Variants in KLF9 observed in about 807,000 individuals in gnomAD.
KLF9 encodes KLF transcription factor 9.
In KLF9, 2 loss-of-function variants were observed where a neutral mutation model predicts 17.3. That is an observed-to-expected ratio of 0.12 (90% CI 0.05 to 0.36). KLF9 has a LOEUF of 0.36. Ranked by LOEUF, KLF9 falls within the 10% of genes least tolerant of loss-of-function variation. The pLI, the probability that KLF9 is intolerant of heterozygous loss-of-function variation, is 1.00. For missense variants in KLF9, 226 were observed against 333.2 expected, an observed-to-expected ratio of 0.68 and a Z score of 2.51; for synonymous variants, 138 against 139.2, an observed-to-expected ratio of 0.99 and a Z score of 0.06.
intron 1 of KLF9, among the ~76,000 whole-genome samples, chr9:70,397,959 T>C (rs1469567425): frequency 1.3e-5 from 2 of 152,218 alleles, no homozygotes. Context: ...AGGCCATTCC[T>C]GGGTACAGAG....
intron 1 of KLF9, among the ~76,000 whole-genome samples, chr9:70,410,907 A>G (rs1322269407): frequency 3.3e-5 from 5 of 152,156 alleles, no homozygotes; most frequent in Non-Finnish European, 5.9e-5. Context: ...ATGCACTAAG[A>G]TTAGAGATCC....
Position 70,392,849 on chromosome 9 carries a change from T to C in KLF9, c.506-4844A>G, listed in dbSNP as rs2037160990. ...CAATTAGAGAATCTTTAAACCTGTCTTTAGTATTAATGAGAGAGTTACCAT... is the reference window on the plus strand; with the variant it reads ...CAATTAGAGAATCTTTAAACCTGTCCTTAGTATTAATGAGAGAGTTACCAT... On this transcript the variant is annotated intron_variant, in intron 1 of 1. Transcript: ENST00000377126. 5.3e-5 allele frequency among the ~76,000 whole-genome samples: 8 copies of C among 152,156 alleles called. 2 individuals carry two copies. In the South Asian group the frequency reaches 1.7e-3, roughly 32 times the overall value.
At chr9:70,388,386 C>G (rs1193499141) in intron 1 of KLF9, among the ~76,000 whole-genome samples, 2 of 152,098 alleles carry the variant, frequency 1.3e-5, no homozygotes, top group African/African-American at 4.8e-5. Context: ...AACCCGTCCC[C>G]TGCCTCTACC....
intron 1 of KLF9, among the ~76,000 whole-genome samples, chr9:70,389,428 T>C (rs953058757): frequency 6.6e-6 from 1 of 152,138 alleles, no homozygotes; most frequent in Non-Finnish European, 1.5e-5. Flanking sequence ...GTCACATAAC[T>C]GGAAAGCAGA....
At chr9:70,398,740 C>T (rs973794985) in intron 1 of KLF9, among the ~76,000 whole-genome samples, 8 of 152,124 alleles carry the variant, frequency 5.3e-5, no homozygotes, top group Non-Finnish European at 1.0e-4. Flanking sequence ...GATCTTCCTG[C>T]CTTGGCCTCC....
chr9:70,392,313 A>G (rs1266303944), intron 1 of KLF9, among the ~76,000 whole-genome samples: 1 of 152,226 alleles, frequency 6.6e-6, no homozygotes, highest in Non-Finnish European at 1.5e-5. Context: ...ATCATGGATC[A>G]TAATGGATTC....
chr9:70,414,284 T>G lies in KLF9; in HGVS notation c.-921A>C, dbSNP rs1175934821. 2 of 151,852 alleles carry G rather than the reference T, an allele frequency of 1.3e-5. No homozygotes were observed. Among genetic ancestry groups the G allele is most frequent in the East Asian group, 3.9e-4 (2 of 5,194 alleles). The allele number at this position is 151,852 out of a possible 1,614,324, so 9.4% of individuals were successfully genotyped here. On this transcript the variant is annotated 5_prime_UTR_variant, in exon 1 of 2. The change abolishes an upstream ATG in the 5' untranslated region. Transcript: ENST00000377126. ...CCAGCTTGCGGAGCTTTGGGACACA[T>G]CTTTCCTAGTCAGTTGCGCTCGTTC...
chr9:70,409,448 A>G lies in KLF9; in HGVS notation c.505+3411T>C, dbSNP rs142797333. 9.7e-4 allele frequency among the ~76,000 whole-genome samples: 147 copies of G among 151,906 alleles called. 1 individual carries two copies. Among genetic ancestry groups the G allele is most frequent in the Non-Finnish European group, 1.7e-3 (114 of 67,964 alleles). The stretch of plus-strand genomic sequence containing the variant: ...CCAGATATCAACCCAGCATGATTCA[A>G]CATCAGCCTGTTCTGATGACTTCCG... On this transcript the variant is annotated intron_variant, in intron 1 of 1. Transcript: ENST00000377126.
At chr9:70,406,839 C>T (rs1247139895) in intron 1 of KLF9, among the ~76,000 whole-genome samples, 1 of 148,556 alleles carries the variant, frequency 6.7e-6, no homozygotes, top group African/African-American at 2.5e-5. Context: ...GAAGGAATGG[C>T]ATGCTACAAG....
In KLF9 at chr9:70,413,156, G is replaced by C; in HGVS notation, c.208C>G (p.Leu70Val). ...LVTIAKSLLD[L>V]NKYRPIQTPS... is the part of the protein sequence containing the mutation. ...GTCTGGATGGGTCGGTACTTGTTCA[G>C]GTCCAACAAGCTCTTGGCGATGGTG... Residue 70 changes from leucine (L) to valine (V), a missense_variant, in exon 1 of 2, where the codon CTG (leucine) becomes GTG (valine). By Grantham distance (32) the Leu-to-Val change is conservative (BLOSUM62 1). Transcript: ENST00000377126. This position sits in a 1 kb window ranked among gnomAD's most constrained non-coding sequence, Gnocchi z 5.6. 6.2e-7 allele frequency: 1 copy of C among 1,614,190 alleles called. No individual in the cohort carries two copies. Among genetic ancestry groups the C allele is most frequent in the Non-Finnish European group, 8.5e-7 (1 of 1,180,036 alleles).
At chr9:70,401,701 A>AAG (rs1554707669) in intron 1 of KLF9, among the ~76,000 whole-genome samples, 3 of 149,468 alleles carry the variant, frequency 2.0e-5, no homozygotes, top group Non-Finnish European at 3.0e-5. Context: ...AAAAAAAAAA[A>AAG]AAAAGAAAAG....
Position 70,384,614 on chromosome 9 carries a change from A to G in KLF9, c.*3162T>C, listed in dbSNP as rs1304512199. The G allele has an allele frequency of 6.6e-6, 1 of 152,618 alleles. No homozygotes were observed. The highest frequency in any genetic ancestry group is 1.5e-5 in the Non-Finnish European group (1 of 68,012). 9.5% of individuals were successfully genotyped at this position (152,618 alleles called of 1,614,324 possible). ...TAGAACAATTCAGTCTTTATCATTTATTATTTTTATTTGGACAACATATAT... is the reference window on the plus strand; with the variant it reads ...TAGAACAATTCAGTCTTTATCATTTGTTATTTTTATTTGGACAACATATAT... On this transcript the variant is annotated 3_prime_UTR_variant, in exon 2 of 2. Coordinates refer to ENST00000377126, the MANE Select transcript of KLF9 (RefSeq NM_001206.4).
At chr9:70,390,860 TGGTTAA>T (rs1422708732) in intron 1 of KLF9, among the ~76,000 whole-genome samples, 1 of 152,180 alleles carries the variant, frequency 6.6e-6, no homozygotes, top group Non-Finnish European at 1.5e-5. Context: ...ACTCATAGAA[TGGTTAA>T]GTTGCAAAAA....
At chr9:70,395,460 G>A (rs112001213) in intron 1 of KLF9, among the ~76,000 whole-genome samples, 3 of 152,106 alleles carry the variant, frequency 2.0e-5, no homozygotes, top group African/African-American at 4.8e-5. Context: ...TTTTGAATAC[G>A]TAAAAATGTT....
At chr9:70,409,180 G>GTGTGTA (rs1564089414) in intron 1 of KLF9, among the ~76,000 whole-genome samples, 2 of 72,180 alleles carry the variant, frequency 2.8e-5, no homozygotes, top group African/African-American at 8.9e-5. Flanking sequence ...GTATATATAT[G>GTGTGTA]TATACATATA....
intron 1 of KLF9, among the ~76,000 whole-genome samples, chr9:70,389,402 A>G (rs1231965465): frequency 6.6e-6 from 1 of 152,186 alleles, no homozygotes; most frequent in Non-Finnish European, 1.5e-5. Flanking sequence ...TTGGAGGGTT[A>G]AACTCTGTAC....
intron 1 of KLF9, among the ~76,000 whole-genome samples, chr9:70,402,888 A>G (rs1408090241): frequency 6.6e-6 from 1 of 152,150 alleles, no homozygotes; most frequent in East Asian, 1.9e-4. Context: ...GGTGGCTCAC[A>G]CATGTAATCC....
chr9:70,388,061 A>C, intron 1 of KLF9, 56 bp from the exon 2 acceptor site: 6 of 1,435,778 alleles, frequency 4.2e-6, no homozygotes, highest in Non-Finnish European at 5.8e-6. Context: ...AAAATTCCGA[A>C]GGGCGGTCAT....
In KLF9 at chr9:70,390,955, G is replaced by A. The variant is rs184248618; in HGVS notation, c.506-2950C>T. ...TTTCTCCACTCCCTTCTGATGTGGC[G>A]GTGAGGAAAACAATGAAAGGAAGAG... On this transcript the variant is annotated intron_variant, in intron 1 of 1. Coordinates refer to ENST00000377126, the MANE Select transcript of KLF9 (RefSeq NM_001206.4). 3.3e-5 allele frequency among the ~76,000 whole-genome samples: 5 copies of A among 152,220 alleles called. No individual in the cohort carries two copies. The East Asian group carries it at 7.7e-4, about 23-fold the overall frequency.
Sources: allele counts gnomAD v4.1 joint callset (sites outside exome capture counted in the v4.1 genomes callset), GRCh38; gene constraint gnomAD v4.1.1; non-coding constraint Gnocchi (gnomAD v3.1); transcripts MANE v1.5; gene names NCBI Gene and HGNC (gene_info 2026-07-23, HGNC 2026-07-21).